Variants in MSRA observed in about 807,000 individuals in gnomAD.
MSRA encodes mitochondrial peptide methionine sulfoxide reductase.
A neutral mutation model predicts 31.3 loss-of-function variants in MSRA; 54 were observed. That is an observed-to-expected ratio of 1.73 (90% CI 1.39 to 2.17). The LOEUF (loss-of-function observed/expected upper bound fraction) is 2.17. MSRA is among the 30% of genes most tolerant of loss of function. The probability of loss-of-function intolerance (pLI) is 0.00; values close to 1 mark genes in which losing one functional copy is unlikely to be tolerated. For missense variants in MSRA, 507 were observed against 300.9 expected (o/e 1.69, Z -5.07); for synonymous variants, 169 against 116.5 (o/e 1.45, Z -2.90).
chr8:10,356,754 TC>T (rs1370311374), intron 5 of MSRA, among the ~76,000 whole-genome samples: 1 of 152,088 alleles, frequency 6.6e-6, no homozygotes, highest in Non-Finnish European at 1.5e-5. Context: ...ATTCTGGACT[TC>T]CTAGCCTCCA....
chr8:10,191,256 C>G (rs1807477340), intron 1 of MSRA, among the ~76,000 whole-genome samples: 2 of 152,118 alleles, frequency 1.3e-5, no homozygotes, highest in African/African-American at 2.4e-5. Flanking sequence ...TTACTTCTGT[C>G]TAGTCAGAGA....
chr8:10,239,749 A>T (rs1021288522), intron 2 of MSRA, among the ~76,000 whole-genome samples: 1 of 152,216 alleles, frequency 6.6e-6, no homozygotes. Context: ...AACAAAAGCT[A>T]CAAAGTCTCC....
chr8:10,274,041 C>A (rs1054534820), intron 3 of MSRA, among the ~76,000 whole-genome samples: 1 of 152,142 alleles, frequency 6.6e-6, no homozygotes, highest in African/African-American at 2.4e-5. Flanking sequence ...CCCCTTCTTC[C>A]TCATGTGTCC....
intron 4 of MSRA, among the ~76,000 whole-genome samples, chr8:10,319,131 C>A (rs1801896048): frequency 6.6e-6 from 1 of 152,124 alleles, no homozygotes; most frequent in Non-Finnish European, 1.5e-5. Context: ...CTTGCTTATG[C>A]CTGCTGGTCT....
chr8:10,357,144 T>C lies in MSRA; in HGVS notation c.543+37155T>C, dbSNP rs139933401. ...TCGGCAAACCTACACCATGTGGTTT[T>C]TGCTCCTTTTCACGTTAACAGCCAA... On this transcript the variant is annotated intron_variant, in intron 5 of 5. Coordinates refer to ENST00000317173, the MANE Select transcript of MSRA (RefSeq NM_012331.5). Among the ~76,000 whole-genome samples the C allele has an allele frequency of 1.5e-3, 229 of 152,338 alleles. 2 individuals are homozygous for C. Among genetic ancestry groups the C allele is most frequent in the African/African-American group, 5.3e-3 (222 of 41,584 alleles).
intron 5 of MSRA, among the ~76,000 whole-genome samples, chr8:10,328,168 C>T (rs1336679940): frequency 6.7e-6 from 1 of 150,242 alleles, no homozygotes; most frequent in African/African-American, 2.5e-5. Context: ...TGTGTGTCAA[C>T]GTAATGCTTT....
At chr8:10,115,561 G>A (rs1421088733) in intron 1 of MSRA, among the ~76,000 whole-genome samples, 4 of 152,192 alleles carry the variant, frequency 2.6e-5, no homozygotes, top group Non-Finnish European at 4.4e-5. Flanking sequence ...GTTGCCACAC[G>A]GCCCTAGGGA....
intron 5 of MSRA, among the ~76,000 whole-genome samples, chr8:10,398,502 T>C (rs1807243474): frequency 1.3e-5 from 2 of 152,202 alleles, no homozygotes; most frequent in Non-Finnish European, 2.9e-5. Flanking sequence ...ACTACTGGGA[T>C]TGCCTTTGCC....
chr8:10,212,240 A>G (rs980730749), intron 2 of MSRA, among the ~76,000 whole-genome samples: 20 of 152,146 alleles, frequency 1.3e-4, no homozygotes, highest in Non-Finnish European at 2.4e-4. Context: ...TGTCATCCAA[A>G]CTAGGATACA....
At chr8:10,325,002 A>T (rs4330695) in intron 5 of MSRA, among the ~76,000 whole-genome samples, 15,512 of 152,252 alleles carry the variant, frequency 0.1, 852 homozygotes, top group South Asian at 0.16. Flanking sequence ...ATGCAGGTGC[A>T]TAAAAGCTGC....
intron 1 of MSRA, among the ~76,000 whole-genome samples, chr8:10,185,827 G>C (rs1330611865): frequency 1.3e-5 from 2 of 152,164 alleles, no homozygotes; most frequent in Non-Finnish European, 2.9e-5. Flanking sequence ...CCAGGACCAA[G>C]TGCTTTCGTG....
chr8:10,346,811 G>C (rs1384473482), intron 5 of MSRA, among the ~76,000 whole-genome samples: 2 of 152,206 alleles, frequency 1.3e-5, no homozygotes, highest in East Asian at 1.9e-4. Context: ...TTGCCATTTG[G>C]GGCTGATTGC....
At chr8:10,154,361 T>TG (rs1803968981) in intron 1 of MSRA, among the ~76,000 whole-genome samples, 1 of 150,936 alleles carries the variant, frequency 6.6e-6, no homozygotes. Flanking sequence ...GACACATTTG[T>TG]GGTTTTTTTT....
At chr8:10,101,672 C>T (rs1454115948) in intron 1 of MSRA, among the ~76,000 whole-genome samples, 1 of 152,172 alleles carries the variant, frequency 6.6e-6, no homozygotes, top group Non-Finnish European at 1.5e-5. Flanking sequence ...TTTCACTTAG[C>T]ATAATGTCCT....
intron 1 of MSRA, among the ~76,000 whole-genome samples, chr8:10,109,123 G>C (rs577075680): frequency 2.6e-5 from 4 of 152,170 alleles, no homozygotes; most frequent in East Asian, 3.9e-4. Flanking sequence ...AAATTGTTGA[G>C]CATAGCAAAA....
intron 1 of MSRA, among the ~76,000 whole-genome samples, chr8:10,142,931 C>T (rs540927433): frequency 6.6e-6 from 1 of 152,074 alleles, no homozygotes; most frequent in Non-Finnish European, 1.5e-5. Flanking sequence ...ATTAAACATT[C>T]TTCAGAACAA....
At chr8:10,112,512 A>G (rs1800364674) in intron 1 of MSRA, among the ~76,000 whole-genome samples, 2 of 152,236 alleles carry the variant, frequency 1.3e-5, no homozygotes, top group Admixed American at 1.3e-4. Flanking sequence ...CCATTAAACA[A>G]TATAAAGAAA....
At chr8:10,379,208 C>T (rs560380654) in intron 5 of MSRA, among the ~76,000 whole-genome samples, 2 of 152,240 alleles carry the variant, frequency 1.3e-5, no homozygotes, top group East Asian at 1.9e-4. Flanking sequence ...CACCTGTCTG[C>T]CCAGGGAAAG....
intron 1 of MSRA, among the ~76,000 whole-genome samples, chr8:10,134,737 T>C (rs959126976): frequency 8.5e-5 from 13 of 152,348 alleles, no homozygotes; most frequent in Admixed American, 5.9e-4. Flanking sequence ...AGGAGGGCAG[T>C]CTTCTCCTAT....
Sources: gnomAD v4.1 joint callset for allele counts (sites outside exome capture counted in the v4.1 genomes callset) on GRCh38, gnomAD v4.1.1 for gene constraint, MANE v1.5 for transcripts, NCBI Gene and HGNC (gene_info 2026-07-23, HGNC 2026-07-21) for gene names.